The following NT5DC1 variants were observed in gnomAD, a reference collection of about 807,000 sequenced individuals.
NT5DC1 encodes the protein 5'-nucleotidase domain containing 1.
A neutral mutation model predicts 59.4 loss-of-function variants in NT5DC1; 42 were observed. The observed-to-expected ratio is 0.71, with a 90% CI of 0.55 to 0.92. The LOEUF is 0.92. NT5DC1 is among the 40% of genes least tolerant of loss of function. NT5DC1 has a pLI of 0.00. For synonymous variants in NT5DC1, 172 were observed against 188.1 expected (o/e 0.91, Z 0.70); for missense variants, 501 against 537.1 (o/e 0.93, Z 0.66).
intron 6 of NT5DC1, chr6:116,118,211 A>G (rs1349880373): frequency 2.3e-6 from 1 of 429,078 alleles, no homozygotes; most frequent in African/African-American, 2.0e-5. Context: ...TGAGTTCCCT[A>G]GAATTGAAGT....
At chr6:116,121,242 G>T (rs1450536947) in intron 6 of NT5DC1, 1 of 1,613,754 alleles carries the variant, frequency 6.2e-7, no homozygotes, top group African/African-American at 1.3e-5. Context: ...GGCCCTGGGG[G>T]CCCAGCTATT....
At chr6:116,191,100 T>C (rs968059941) in intron 6 of NT5DC1, among the ~76,000 whole-genome samples, 23 of 151,988 alleles carry the variant, frequency 1.5e-4, no homozygotes, top group Non-Finnish European at 5.9e-5. Context: ...CTGAGTTAAA[T>C]GCAAATATCT....
chr6:116,219,912 GA>G (rs1217821629), intron 6 of NT5DC1, among the ~76,000 whole-genome samples: 2 of 128,704 alleles, frequency 1.6e-5, no homozygotes, highest in East Asian at 2.5e-4. Context: ...CAGTTAGCCA[GA>G]GATCATGCCA....
chr6:116,173,490 A>T (rs1780660216), intron 6 of NT5DC1, among the ~76,000 whole-genome samples: 1 of 152,050 alleles, frequency 6.6e-6, no homozygotes, highest in Non-Finnish European at 1.5e-5. Context: ...GTCCCTTTAG[A>T]GCAGAGAGCT....
intron 6 of NT5DC1, among the ~76,000 whole-genome samples, chr6:116,217,254 C>T (rs956523974): frequency 3.9e-5 from 6 of 152,124 alleles, no homozygotes; most frequent in African/African-American, 1.4e-4. Context: ...CAGACTGTTG[C>T]AACACTTTGG....
At chr6:116,199,336 A>G (rs1276047076) in intron 6 of NT5DC1, among the ~76,000 whole-genome samples, 1 of 152,074 alleles carries the variant, frequency 6.6e-6, no homozygotes, top group East Asian at 1.9e-4. Context: ...CATCCAGAAG[A>G]CATTAGATAG....
At chr6:116,227,422 T>C (rs1001669405) in intron 8 of NT5DC1, among the ~76,000 whole-genome samples, 2 of 152,226 alleles carry the variant, frequency 1.3e-5, no homozygotes, top group Non-Finnish European at 2.9e-5. Context: ...AATGCTGTAA[T>C]GAACATGGGA....
At position 116,128,027 on chromosome 6, in the gene NT5DC1, G is replaced by T. The variant is rs527333761; in HGVS notation, c.529+10082G>T. ...ATTATTCCTGTGCTTGAGGTATTCT[G>T]CTGTTCTCCATGGTCAGATGGTAGA... is the stretch of plus-strand genomic sequence containing the variant. On this transcript the variant is annotated intron_variant, in intron 6 of 11. Coordinates refer to ENST00000319550, the MANE Select transcript of NT5DC1 (RefSeq NM_152729.3). Among the ~76,000 whole-genome samples, 58 of 152,210 alleles carry T rather than the reference G, an allele frequency of 3.8e-4. 1 individual carries two copies. In the South Asian group the frequency reaches 0.01, roughly 27 times the overall value.
intron 6 of NT5DC1, among the ~76,000 whole-genome samples, chr6:116,132,587 T>G (rs1445933111): frequency 6.6e-6 from 1 of 152,164 alleles, no homozygotes; most frequent in Admixed American, 6.5e-5. Context: ...ACATCAATCA[T>G]TTTATTTTTC....
chr6:116,110,851 G>T lies in NT5DC1; in HGVS notation c.259G>T (p.Ala87Ser). Reference protein sequence around the residue: ...KLANNGTVLRASHGTKMMTPE... With the variant: ...KLANNGTVLRSSHGTKMMTPE... ...ATGTGCCTCCTCTCTCAAAATCAGGGCAAGCCATGGCACCAAGATGATGAC... is the reference window on the plus strand; with the variant it reads ...ATGTGCCTCCTCTCTCAAAATCAGGTCAAGCCATGGCACCAAGATGATGAC... The change falls in exon 4 of 12, where the codon GCA (alanine) becomes TCA (serine). Residue 87 changes from alanine to serine, a missense_variant and splice_region_variant. Physicochemically the swap from Ala to Ser is moderately conservative, Grantham distance 99. Transcript: ENST00000319550. 1 of 1,612,042 alleles carries T rather than the reference G, an allele frequency of 6.2e-7. No homozygotes were observed. Among genetic ancestry groups the T allele is most frequent in the African/African-American group, 1.3e-5 (1 of 75,002 alleles).
chr6:116,158,155 T>A (rs1780244438), intron 6 of NT5DC1, among the ~76,000 whole-genome samples: 1 of 152,218 alleles, frequency 6.6e-6, no homozygotes, highest in African/African-American at 2.4e-5. Context: ...CAGTTTTTAT[T>A]ACAAATAAAT....
chr6:116,169,841 G>C (rs1780565710), intron 6 of NT5DC1, among the ~76,000 whole-genome samples: 1 of 152,102 alleles, frequency 6.6e-6, no homozygotes, highest in African/African-American at 2.4e-5. Context: ...ATGAAAGGAA[G>C]AAAAACTCAG....
chr6:116,158,211 G>A (rs1472685127), intron 6 of NT5DC1, among the ~76,000 whole-genome samples: 3 of 151,998 alleles, frequency 2.0e-5, no homozygotes, highest in African/African-American at 7.2e-5. Flanking sequence ...GAGATGTTTA[G>A]TATTACAAGT....
At chr6:116,161,252 T>C (rs1027434740) in intron 6 of NT5DC1, among the ~76,000 whole-genome samples, 3 of 149,200 alleles carry the variant, frequency 2.0e-5, no homozygotes, top group Non-Finnish European at 3.0e-5. Context: ...GATGACGAGT[T>C]AGTGGGTACA....
chr6:116,201,896 C>T (rs1283927001), intron 6 of NT5DC1, among the ~76,000 whole-genome samples: 1 of 151,890 alleles, frequency 6.6e-6, no homozygotes. Flanking sequence ...TATTTGGATC[C>T]AAATGCCACA....
chr6:116,180,284 GAA>G (rs1562153379), intron 6 of NT5DC1, among the ~76,000 whole-genome samples: 1 of 152,148 alleles, frequency 6.6e-6, no homozygotes, highest in East Asian at 1.9e-4. Context: ...TAAAAGGAAA[GAA>G]TGAAACAATT....
intron 8 of NT5DC1, among the ~76,000 whole-genome samples, chr6:116,233,539 C>A (rs142704816): frequency 6.6e-6 from 1 of 152,260 alleles, no homozygotes; most frequent in African/African-American, 2.4e-5. Context: ...CTGTTTGTGG[C>A]AATACCATGG....
chr6:116,106,292 G>T lies in NT5DC1; in HGVS notation c.142G>T (p.Asp48Tyr). 6.3e-7 allele frequency: 1 copy of T among 1,591,766 alleles called. No homozygotes were observed. The highest frequency in any genetic ancestry group is 8.6e-7 in the Non-Finnish European group (1 of 1,161,092). Residue 48 changes from aspartate (D) to tyrosine (Y), a missense_variant, in exon 2 of 12, where the codon GAT becomes TAT. Physicochemically the swap from Asp to Tyr is radical, Grantham distance 160. Transcript: ENST00000319550. ...AQFLVKEKGY[D>Y]KELLNVTPED... The stretch of plus-strand genomic sequence containing the variant: ...GTTCCTAGTTAAGGAGAAAGGGTAC[G>T]ATAAGGAATTGCTCAATGTGACCCC...
In NT5DC1 at chr6:116,227,782, G is replaced by A. The variant is rs117328039; in HGVS notation, c.802+4651G>A. On this transcript the variant is annotated intron_variant, in intron 8 of 11. Coordinates refer to ENST00000319550, the MANE Select transcript of NT5DC1 (RefSeq NM_152729.3). ...ATCTTTTTGAGAAATGTCTATTCAGGTCCTTTGCTCATTTTTTTAATTGGG... is the reference window on the plus strand; with the variant it reads ...ATCTTTTTGAGAAATGTCTATTCAGATCCTTTGCTCATTTTTTTAATTGGG... Among the ~76,000 whole-genome samples, 14 of 152,172 alleles carry A rather than the reference G, an allele frequency of 9.2e-5. No homozygotes were observed. In the East Asian group the frequency reaches 2.3e-3, roughly 25 times the overall value.
Sources: allele counts gnomAD v4.1 joint callset (sites outside exome capture counted in the v4.1 genomes callset), GRCh38; gene constraint gnomAD v4.1.1; transcripts MANE v1.5; gene names NCBI Gene and HGNC (gene_info 2026-07-23, HGNC 2026-07-21).